The following NALCN variants were observed in gnomAD, a reference collection of about 807,000 sequenced individuals.
NALCN encodes sodium leak channel, non-selective.
A neutral mutation model predicts 225.3 loss-of-function variants in NALCN; 111 were observed. The observed-to-expected ratio is 0.49, with a 90% CI of 0.42 to 0.58. NALCN has a LOEUF of 0.58. Ranked by LOEUF, NALCN falls within the 20% of genes least tolerant of loss-of-function variation. The pLI is 0.00. For synonymous variants in NALCN, 764 were observed against 769.0 expected (o/e 0.99, Z 0.11); for missense variants, 1,378 against 2,202.4 (o/e 0.63, Z 7.49).
At chr13:101,147,266 C>A (rs2037392229) in intron 15 of NALCN, among the ~76,000 whole-genome samples, 1 of 152,236 alleles carries the variant, frequency 6.6e-6, no homozygotes, top group East Asian at 1.9e-4. Context: ...TTCTAATCTG[C>A]TCTTCATTCT....
rs1367197226 is a variant in NALCN at position 101,119,462 on chromosome 13, T to C, written c.2192+5146A>G. 3.3e-5 allele frequency among the ~76,000 whole-genome samples: 5 copies of C among 152,212 alleles called. No homozygotes were observed. In the South Asian group the frequency reaches 8.3e-4, roughly 25 times the overall value. On this transcript the variant is annotated intron_variant, in intron 18 of 43. Coordinates refer to ENST00000251127, the MANE Select transcript of NALCN (RefSeq NM_052867.4). ...CTGAGCATTCGAAAGGTTATAAATA[T>C]ATTGTCCTCACTAAGGAGGTACTCA... is the stretch of plus-strand genomic sequence containing the variant.
intron 11 of NALCN, among the ~76,000 whole-genome samples, chr13:101,249,355 T>C (rs1441943894): frequency 6.6e-6 from 1 of 152,172 alleles, no homozygotes; most frequent in African/African-American, 2.4e-5. Flanking sequence ...TAGCCCTAGA[T>C]GGTGTTCCAG....
At chr13:101,205,897 T>A (rs929640683) in intron 13 of NALCN, among the ~76,000 whole-genome samples, 4 of 152,074 alleles carry the variant, frequency 2.6e-5, no homozygotes, top group African/African-American at 9.6e-5. Context: ...TAATTAAAAA[T>A]ATTTCCGTAA....
chr13:101,103,123 T>C (rs2034911723), intron 26 of NALCN, 49 bp downstream of exon 26: 1 of 1,582,726 alleles, frequency 6.3e-7, no homozygotes, highest in African/African-American at 1.4e-5. Context: ...ATTAGCTGCA[T>C]TAGAGGTGGA....
chr13:101,288,537 G>A (rs2043426635), intron 9 of NALCN, among the ~76,000 whole-genome samples: 1 of 152,086 alleles, frequency 6.6e-6, no homozygotes, highest in Non-Finnish European at 1.5e-5. Flanking sequence ...AAACCCAAAG[G>A]AGAAAAACTC....
Position 101,058,065 on chromosome 13 carries a change from G to A in NALCN, c.4906-9C>T. ...TGCTGCTGGCTGCTTGTCTGCATGG[G>A]AGGAGAAGCACACAGTTACCGTCTT... On this transcript the variant is annotated splice_polypyrimidine_tract_variant and intron_variant, in intron 42 of 43. Coordinates refer to ENST00000251127, the MANE Select transcript of NALCN (RefSeq NM_052867.4). 1 of 1,609,728 alleles carries A rather than the reference G, an allele frequency of 6.2e-7. No individual in the cohort carries two copies. Among genetic ancestry groups the A allele is most frequent in the East Asian group, 2.2e-5 (1 of 44,858 alleles).
chr13:101,072,730 G>A (rs1321536590), intron 37 of NALCN, among the ~76,000 whole-genome samples: 1 of 152,102 alleles, frequency 6.6e-6, no homozygotes, highest in Non-Finnish European at 1.5e-5. Context: ...GTTGAGTGCT[G>A]TGCAGTCCAA....
chr13:101,130,166 A>G (rs2036446597), intron 17 of NALCN, among the ~76,000 whole-genome samples: 1 of 152,064 alleles, frequency 6.6e-6, no homozygotes, highest in Non-Finnish European at 1.5e-5. Flanking sequence ...TTTTCTCCAC[A>G]AAGAGCACTC....
chr13:101,090,511 T>C (rs1243951817), intron 28 of NALCN, among the ~76,000 whole-genome samples: 2 of 152,204 alleles, frequency 1.3e-5, no homozygotes, highest in South Asian at 2.1e-4. Flanking sequence ...GGCTGGAAAG[T>C]AGTGATGCAT....
intron 17 of NALCN, among the ~76,000 whole-genome samples, chr13:101,140,734 T>G (rs2037035305): frequency 6.6e-6 from 1 of 152,122 alleles, no homozygotes. Context: ...GGATTATAAC[T>G]GTGAAGAAGA....
chr13:101,223,398 T>C (rs1259826907), intron 13 of NALCN, among the ~76,000 whole-genome samples: 2 of 152,228 alleles, frequency 1.3e-5, no homozygotes, highest in African/African-American at 4.8e-5. Context: ...CTTTTAGTTC[T>C]GGTTGATACC....
At chr13:101,234,430 A>C (rs1461651495) in intron 12 of NALCN, among the ~76,000 whole-genome samples, 1 of 152,234 alleles carries the variant, frequency 6.6e-6, no homozygotes, top group Admixed American at 6.5e-5. Flanking sequence ...TGTGAGAAAT[A>C]TGAAATTGTC....
intron 10 of NALCN, among the ~76,000 whole-genome samples, chr13:101,265,451 G>C (rs2042565956): frequency 6.6e-6 from 1 of 152,132 alleles, no homozygotes; most frequent in African/African-American, 2.4e-5. Context: ...AGAACAACAA[G>C]AAAGGTCACT....
intron 17 of NALCN, among the ~76,000 whole-genome samples, chr13:101,127,450 CT>C (rs1189199939): frequency 2.6e-5 from 4 of 152,148 alleles, no homozygotes; most frequent in Admixed American, 6.5e-5. Context: ...CCTCCGCCCC[CT>C]GGGTTCAAGC....
intron 7 of NALCN, among the ~76,000 whole-genome samples, chr13:101,327,147 C>T (rs893780065): frequency 3.9e-5 from 6 of 151,966 alleles, no homozygotes; most frequent in Non-Finnish European, 5.9e-5. Flanking sequence ...TCCAGAGAAG[C>T]GACGATTCTT....
chr13:101,194,069 G>A (rs1191026330), intron 13 of NALCN, among the ~76,000 whole-genome samples: 1 of 152,132 alleles, frequency 6.6e-6, no homozygotes, highest in South Asian at 2.1e-4. Context: ...AAATGTAAGT[G>A]CACCTTTCAG....
At chr13:101,302,266 T>C (rs913442901) in intron 7 of NALCN, among the ~76,000 whole-genome samples, 1 of 152,160 alleles carries the variant, frequency 6.6e-6, no homozygotes, top group Non-Finnish European at 1.5e-5. Context: ...AACAATAAGG[T>C]AGACCTGGTC....
intron 37 of NALCN, among the ~76,000 whole-genome samples, chr13:101,070,061 A>ATTTT (rs1377492353): frequency 1.0e-4 from 2 of 19,256 alleles, no homozygotes; most frequent in Admixed American, 7.2e-4. Context: ...TGAATCATGA[A>ATTTT]TGTTTTTTTT....
At chr13:101,265,080 G>C (rs1212447929) in intron 10 of NALCN, among the ~76,000 whole-genome samples, 2 of 152,154 alleles carry the variant, frequency 1.3e-5, no homozygotes, top group African/African-American at 2.4e-5. Context: ...TAACTGCAGA[G>C]TTCTAAGAGA....
Sources: allele counts gnomAD v4.1 joint callset (sites outside exome capture counted in the v4.1 genomes callset), GRCh38; gene constraint gnomAD v4.1.1; transcripts MANE v1.5; gene names NCBI Gene and HGNC (gene_info 2026-07-23, HGNC 2026-07-21).